The following GPC5 variants were observed in gnomAD, a reference collection of about 807,000 sequenced individuals.
GPC5 encodes glypican-5.
In GPC5, 47 loss-of-function variants were observed where a neutral mutation model predicts 53.9. That is an observed-to-expected ratio of 0.87 (90% CI 0.69 to 1.11). The LOEUF (loss-of-function observed/expected upper bound fraction) is 1.11, where lower values mean the gene tolerates loss of function less well. Among genes scored for constraint, GPC5 ranks in the 50% most tolerant of loss-of-function variants. The pLI is 0.00. For synonymous variants in GPC5, 286 were observed against 263.3 expected (o/e 1.09, Z -0.84); for missense variants, 748 against 713.1 (o/e 1.05, Z -0.56).
chr13:92,360,473 T>C (rs1389234019), intron 7 of GPC5, among the ~76,000 whole-genome samples: 6 of 151,648 alleles, frequency 4.0e-5, no homozygotes, highest in Admixed American at 1.3e-4. Flanking sequence ...TAAGCAAACA[T>C]ACCTCAAATT....
At chr13:92,628,965 T>A (rs1446845241) in intron 7 of GPC5, among the ~76,000 whole-genome samples, 2 of 152,200 alleles carry the variant, frequency 1.3e-5, no homozygotes, top group East Asian at 3.9e-4. Context: ...TGTTGTGCAC[T>A]GTTCTCCTGA....
intron 2 of GPC5, among the ~76,000 whole-genome samples, chr13:91,638,093 T>C (rs2034327528): frequency 6.6e-6 from 1 of 152,212 alleles, no homozygotes; most frequent in Non-Finnish European, 1.5e-5. Flanking sequence ...AAGCAATCTC[T>C]GTTTTGCCTT....
At chr13:92,586,649 G>A (rs190109658) in intron 7 of GPC5, among the ~76,000 whole-genome samples, 1 of 152,160 alleles carries the variant, frequency 6.6e-6, no homozygotes, top group African/African-American at 2.4e-5. Flanking sequence ...ATTTATGGGT[G>A]GCCAATCTGT....
intron 7 of GPC5, among the ~76,000 whole-genome samples, chr13:92,766,101 C>T (rs6492627): frequency 0.34 from 51,506 of 151,842 alleles, 10,160 homozygotes; most frequent in East Asian, 0.75. Flanking sequence ...ACATTTGGCC[C>T]GTTGGTCATA....
rs545494408 is a variant in GPC5 at position 91,973,654 on chromosome 13, G to A, written c.1401+65597G>A. Among the ~76,000 whole-genome samples the A allele has an allele frequency of 1.5e-3, 230 of 152,294 alleles. 1 individual carries two copies. The Middle Eastern group carries it at 0.051, about 34-fold the overall frequency. ...GTACAGATGGGTTTTTGGTGTGGAT[G>A]TCCTTTCTGTTTGTTAGTTTTCCTT... On this transcript the variant is annotated intron_variant, in intron 6 of 7. Transcript: ENST00000377067.
chr13:92,342,399 C>T (rs975078079), intron 7 of GPC5, among the ~76,000 whole-genome samples: 14 of 152,022 alleles, frequency 9.2e-5, no homozygotes, highest in African/African-American at 3.4e-4. Context: ...AAACCCATCC[C>T]CAATATTGTG....
At chr13:91,712,328 G>GTA (rs945745177) in intron 3 of GPC5, among the ~76,000 whole-genome samples, 9 of 151,066 alleles carry the variant, frequency 6.0e-5, no homozygotes, top group African/African-American at 1.7e-4. Flanking sequence ...GTGTGTGTGT[G>GTA]TATATATATA....
rs149890030 is a variant in GPC5 at position 91,585,897 on chromosome 13, C to T, written c.326-107290C>T. The stretch of plus-strand genomic sequence containing the variant: ...AGTTAAATTTTGAAAAAAGAAAAAA[C>T]AAGAAACTATATTCTTCTTTAAAGA... On this transcript the variant is annotated intron_variant, in intron 2 of 7. Transcript: ENST00000377067. Among the ~76,000 whole-genome samples the T allele has an allele frequency of 3.7e-3, 558 of 152,044 alleles. 3 individuals are homozygous for T. Among genetic ancestry groups the T allele is most frequent in the Non-Finnish European group, 5.7e-3 (388 of 67,952 alleles).
chr13:92,397,964 A>C (rs569708558), intron 7 of GPC5, among the ~76,000 whole-genome samples: 1 of 152,280 alleles, frequency 6.6e-6, no homozygotes, highest in East Asian at 1.9e-4. Context: ...GTCTTTGTGC[A>C]GTCACCATTT....
At chr13:92,613,385 TTA>T (rs1555295311) in intron 7 of GPC5, among the ~76,000 whole-genome samples, 7 of 65,032 alleles carry the variant, frequency 1.1e-4, no homozygotes, top group East Asian at 9.3e-4. Context: ...ATATATTATA[TTA>T]TATATAAATA....
chr13:92,691,802 T>C (rs1243976701), intron 7 of GPC5, among the ~76,000 whole-genome samples: 9 of 151,902 alleles, frequency 5.9e-5, no homozygotes, highest in South Asian at 2.1e-4. Flanking sequence ...AACTACAAGA[T>C]ACTTTATAGT....
At chr13:92,179,075 C>T (rs1447300720) in intron 7 of GPC5, among the ~76,000 whole-genome samples, 2 of 152,144 alleles carry the variant, frequency 1.3e-5, no homozygotes, top group African/African-American at 4.8e-5. Flanking sequence ...GTATTGTCAT[C>T]AAATGACTAC....
intron 7 of GPC5, among the ~76,000 whole-genome samples, chr13:92,838,166 C>T (rs1003342384): frequency 4.6e-5 from 7 of 151,626 alleles, no homozygotes; most frequent in African/African-American, 1.7e-4. Flanking sequence ...TGGTTAGCTA[C>T]CACCCTACTT....
At chr13:92,258,460 T>C (rs2042742513) in intron 7 of GPC5, among the ~76,000 whole-genome samples, 1 of 152,226 alleles carries the variant, frequency 6.6e-6, no homozygotes, top group African/African-American at 2.4e-5. Context: ...GTTAGTTTCA[T>C]TGAAATGTGT....
At chr13:91,412,375 T>C (rs1237958765) in intron 1 of GPC5, among the ~76,000 whole-genome samples, 2 of 152,176 alleles carry the variant, frequency 1.3e-5, no homozygotes, top group Admixed American at 6.5e-5. Flanking sequence ...CTGCCTTTCT[T>C]AAAAATAAAA....
intron 5 of GPC5, among the ~76,000 whole-genome samples, chr13:91,797,389 A>T (rs1436456042): frequency 1.3e-5 from 2 of 152,164 alleles, no homozygotes; most frequent in Admixed American, 6.6e-5. Context: ...AAAAAATTTT[A>T]AAAATTAATA....
At chr13:91,615,044 T>A (rs1199734822) in intron 2 of GPC5, among the ~76,000 whole-genome samples, 1 of 152,192 alleles carries the variant, frequency 6.6e-6, no homozygotes, top group Non-Finnish European at 1.5e-5. Context: ...GTCCTTCCAT[T>A]AATCAAATAT....
At chr13:92,335,388 G>C (rs960567875) in intron 7 of GPC5, among the ~76,000 whole-genome samples, 32 of 152,102 alleles carry the variant, frequency 2.1e-4, no homozygotes, top group Admixed American at 2.1e-3. Flanking sequence ...CAGAAGGGGG[G>C]CCCTCGTCCT....
chr13:91,914,808 T>C (rs1197260735), intron 6 of GPC5, among the ~76,000 whole-genome samples: 1 of 152,056 alleles, frequency 6.6e-6, no homozygotes, highest in African/African-American at 2.4e-5. Context: ...TAAAAAATGT[T>C]AGTATCTCTG....
Sources: gnomAD v4.1 joint callset for allele counts (sites outside exome capture counted in the v4.1 genomes callset) on GRCh38, gnomAD v4.1.1 for gene constraint, MANE v1.5 for transcripts, NCBI Gene and HGNC (gene_info 2026-07-23, HGNC 2026-07-21) for gene names.